FRMD4A: variants seen among roughly 807,000 people sequenced by gnomAD.
FRMD4A encodes the protein FERM domain-containing protein 4A.
A neutral mutation model predicts 129.1 loss-of-function variants in FRMD4A; 29 were observed. The observed-to-expected ratio is 0.22, with a 90% CI of 0.17 to 0.31. The LOEUF is 0.31. Among genes scored for constraint, FRMD4A ranks in the 10% least tolerant of loss-of-function variants. The pLI is 1.00. For missense variants in FRMD4A, 1,272 were observed against 1,375.8 expected (o/e 0.92, Z 1.19); for synonymous variants, 634 against 571.6 (o/e 1.11, Z -1.56).
intron 2 of FRMD4A, among the ~76,000 whole-genome samples, chr10:13,874,202 C>T (rs556404528): frequency 7.4e-6 from 1 of 135,432 alleles, no homozygotes; most frequent in South Asian, 2.4e-4. Flanking sequence ...GCCGAGATTG[C>T]ACGACTGCAC....
intron 5 of FRMD4A, among the ~76,000 whole-genome samples, chr10:13,790,539 C>A (rs1323678914): frequency 6.6e-6 from 1 of 152,084 alleles, no homozygotes; most frequent in East Asian, 1.9e-4. Context: ...GAGCCAGGGA[C>A]AGAGGGGACA....
intron 2 of FRMD4A, among the ~76,000 whole-genome samples, chr10:14,216,390 G>C (rs1186712716): frequency 2.0e-5 from 3 of 152,136 alleles, no homozygotes; most frequent in Non-Finnish European, 2.9e-5. Context: ...GGAAGAGAAG[G>C]CTGGGCGCAA....
chr10:14,141,544 T>A (rs1839834460), intron 2 of FRMD4A, among the ~76,000 whole-genome samples: 1 of 151,062 alleles, frequency 6.6e-6, no homozygotes, highest in Admixed American at 6.6e-5. Context: ...AGCACGTACA[T>A]CACATTGCTC....
At chr10:13,988,348 T>C (rs2095589852) in intron 2 of FRMD4A, among the ~76,000 whole-genome samples, 1 of 152,182 alleles carries the variant, frequency 6.6e-6, no homozygotes, top group Non-Finnish European at 1.5e-5. Context: ...GAAGAGATCC[T>C]TTTAGAGTGG....
At chr10:13,877,470 C>G (rs1204733844) in intron 2 of FRMD4A, among the ~76,000 whole-genome samples, 1 of 151,598 alleles carries the variant, frequency 6.6e-6, no homozygotes, top group Admixed American at 6.6e-5. Context: ...CGCTCGAGAA[C>G]TAGAGAACCA....
intron 2 of FRMD4A, among the ~76,000 whole-genome samples, chr10:13,943,542 G>C (rs1311790006): frequency 1.4e-5 from 2 of 147,988 alleles, no homozygotes; most frequent in Non-Finnish European, 3.0e-5. Context: ...CAGCTACTTG[G>C]GAGGCTGAGA....
chr10:13,650,375 T>G (rs1365855647), intron 24 of FRMD4A, among the ~76,000 whole-genome samples: 1 of 152,152 alleles, frequency 6.6e-6, no homozygotes, highest in Non-Finnish European at 1.5e-5. Flanking sequence ...CTCAGTATAA[T>G]GTATGTGTGT....
intron 9 of FRMD4A, among the ~76,000 whole-genome samples, chr10:13,741,692 G>A (rs147161442): frequency 3.7e-4 from 56 of 152,256 alleles, no homozygotes; most frequent in African/African-American, 9.1e-4. Flanking sequence ...CTCTGAATGC[G>A]TAGTCAGGAA....
At chr10:14,318,320 C>CG (rs1344915114) in intron 2 of FRMD4A, among the ~76,000 whole-genome samples, 2 of 66,510 alleles carry the variant, frequency 3.0e-5, no homozygotes, top group African/African-American at 1.3e-4. Flanking sequence ...AAGCTATATC[C>CG]CCCCCCACCT....
chr10:13,898,538 C>T (rs2094783965), intron 2 of FRMD4A, among the ~76,000 whole-genome samples: 1 of 151,950 alleles, frequency 6.6e-6, no homozygotes, highest in Non-Finnish European at 1.5e-5. Context: ...GTGTGTATGC[C>T]CAAAGTGATG....
rs544626712 is a variant in FRMD4A, at chr10:13,934,892, G to C, written c.46-75980C>G. Among the ~76,000 whole-genome samples, 157 of 152,236 alleles carry C rather than the reference G, an allele frequency of 1.0e-3. 1 individual carries two copies. Among genetic ancestry groups the C allele is most frequent in the African/African-American group, 3.6e-3 (149 of 41,526 alleles). On this transcript the variant is annotated intron_variant, in intron 2 of 24. Coordinates refer to ENST00000357447, the MANE Select transcript of FRMD4A (RefSeq NM_018027.5). Reference sequence around the variant, plus strand: ...AAATTTATTGCTAACAGTTCTGGGGGCTGGGAAGTCCAAGATCAAGGTGCT... The same window carrying C: ...AAATTTATTGCTAACAGTTCTGGGGCCTGGGAAGTCCAAGATCAAGGTGCT...
chr10:13,749,103 CA>C (rs1253623595), intron 8 of FRMD4A, among the ~76,000 whole-genome samples: 3 of 152,202 alleles, frequency 2.0e-5, no homozygotes, highest in Non-Finnish European at 4.4e-5. Context: ...TCCAGAGCAA[CA>C]AACGGCAGCC....
intron 2 of FRMD4A, among the ~76,000 whole-genome samples, chr10:14,213,234 A>G (rs543357335): frequency 1.3e-5 from 2 of 152,258 alleles, no homozygotes; most frequent in African/African-American, 4.8e-5. Context: ...ACAGAGAAAG[A>G]CCCTGTCTCT....
Position 14,114,649 on chromosome 10 carries a change from C to T in FRMD4A, c.45+215409G>A, listed in dbSNP as rs187968211. ...AGAGATGGCGGCCAGAGAATCACTC[C>T]CTAAAACCCCAGCTATCAGATGAAA... On this transcript the variant is annotated intron_variant, in intron 2 of 24. Coordinates refer to ENST00000357447, the MANE Select transcript of FRMD4A (RefSeq NM_018027.5). Among the ~76,000 whole-genome samples, 4 of 152,230 alleles carry T rather than the reference C, an allele frequency of 2.6e-5. No homozygotes were observed. In the East Asian group the frequency reaches 7.7e-4, roughly 29 times the overall value.
At chr10:13,951,058 G>T (rs1177313498) in intron 2 of FRMD4A, among the ~76,000 whole-genome samples, 5 of 152,194 alleles carry the variant, frequency 3.3e-5, no homozygotes, top group African/African-American at 7.2e-5. Context: ...CAATGAGAAG[G>T]CTCAGAGAAG....
intron 2 of FRMD4A, among the ~76,000 whole-genome samples, chr10:13,937,530 C>A (rs1320879221): frequency 1.3e-5 from 2 of 152,102 alleles, no homozygotes; most frequent in African/African-American, 4.8e-5. Context: ...TAGGTTTAGA[C>A]CCGCCTCAAA....
intron 2 of FRMD4A, among the ~76,000 whole-genome samples, chr10:14,036,548 G>A (rs1283800108): frequency 6.6e-6 from 1 of 152,154 alleles, no homozygotes; most frequent in East Asian, 1.9e-4. Context: ...TCTGGGTGAT[G>A]CTACCCACTT....
intron 2 of FRMD4A, among the ~76,000 whole-genome samples, chr10:13,928,783 A>G (rs1294309666): frequency 6.6e-6 from 1 of 152,078 alleles, no homozygotes; most frequent in African/African-American, 2.4e-5. Context: ...TGGCTGGGCC[A>G]CTCAGCCAGC....
intron 3 of FRMD4A, among the ~76,000 whole-genome samples, chr10:13,824,546 A>G (rs2130916900): frequency 6.6e-6 from 1 of 152,040 alleles, no homozygotes; most frequent in South Asian, 2.1e-4. Flanking sequence ...CACCAATAAT[A>G]AATAACACAA....
Sources: allele counts gnomAD v4.1 joint callset (sites outside exome capture counted in the v4.1 genomes callset), GRCh38; gene constraint gnomAD v4.1.1; transcripts MANE v1.5; gene names NCBI Gene and HGNC (gene_info 2026-07-23, HGNC 2026-07-21).